The following TNRC6B variants were observed in gnomAD, a reference collection of about 807,000 sequenced individuals.
TNRC6B encodes the protein trinucleotide repeat-containing gene 6B protein.
In TNRC6B, 52 loss-of-function variants were observed where a neutral mutation model predicts 203.6. That is an observed-to-expected ratio of 0.26 (90% CI 0.20 to 0.32). The LOEUF (loss-of-function observed/expected upper bound fraction) is 0.32. Among genes scored for constraint, TNRC6B ranks in the 10% least tolerant of loss-of-function variants. The probability of loss-of-function intolerance (pLI) is 1.00; values close to 1 mark genes in which losing one functional copy is unlikely to be tolerated. For synonymous variants in TNRC6B, 838 were observed against 845.7 expected, an observed-to-expected ratio of 0.99 and a Z score of 0.16; for missense variants, 1,923 against 2,286.2, an observed-to-expected ratio of 0.84 and a Z score of 3.24.
chr22:40,266,807 C>T lies in TNRC6B; in HGVS notation c.2577C>T (p.Ser859=), dbSNP rs2070488074. Residue 859 remains serine (S), a synonymous_variant, in exon 5 of 23, where the codon AGC becomes AGT. Transcript: ENST00000454349. The stretch of plus-strand genomic sequence containing the variant: ...TTCGACCTTCCAATTCCAGCTGGAG[C>T]AGCGGGCCACAGCCTGCAACACCTA... ...GNVRPSNSSW[S]SGPQPATPKD... 6.2e-7 allele frequency: 1 copy of T among 1,613,646 alleles called. No homozygotes were observed. The highest frequency in any genetic ancestry group is 8.5e-7 in the Non-Finnish European group (1 of 1,179,672).
chr22:40,221,630 G>A (rs2069709156), intron 1 of TNRC6B, among the ~76,000 whole-genome samples: 1 of 151,952 alleles, frequency 6.6e-6, no homozygotes, highest in East Asian at 1.9e-4. Flanking sequence ...AGAGATGGGG[G>A]TTCCGGTATG....
intron 22 of TNRC6B, among the ~76,000 whole-genome samples, chr22:40,322,572 G>A (rs1287022220): frequency 6.6e-6 from 1 of 152,188 alleles, no homozygotes; most frequent in African/African-American, 2.4e-5. Flanking sequence ...AGAAATATCA[G>A]AATATAGTAT....
chr22:40,276,601 G>A (rs1460224049), intron 7 of TNRC6B, among the ~76,000 whole-genome samples: 3 of 152,180 alleles, frequency 2.0e-5, no homozygotes, highest in Admixed American at 2.0e-4. Context: ...CAGGACCAAT[G>A]TCTTTTATGC....
intron 1 of TNRC6B, among the ~76,000 whole-genome samples, chr22:40,227,229 TTTTTTG>T (rs2069801197): frequency 1.3e-5 from 2 of 150,066 alleles, no homozygotes; most frequent in South Asian, 2.1e-4. Context: ...TACAGGCTAA[TTTTTTG>T]TATTTTTAGT....
chr22:40,234,293 A>G (rs796664112), intron 1 of TNRC6B, among the ~76,000 whole-genome samples: 32 of 152,306 alleles, frequency 2.1e-4, no homozygotes, highest in African/African-American at 7.5e-4. Flanking sequence ...AAACAAACAA[A>G]CAAAAACTTC....
At position 40,120,909 on chromosome 22, in the gene TNRC6B, C is replaced by T. The variant is rs35954387; in HGVS notation, c.-47+3781C>T. ...CCTGCCTTCTCGCCTGCCTCCTAGCCAACGAAAGGAGCAGAGCAGAACAGG... is the reference window on the plus strand; with the variant it reads ...CCTGCCTTCTCGCCTGCCTCCTAGCTAACGAAAGGAGCAGAGCAGAACAGG... On this transcript the variant is annotated intron_variant, in intron 2 of 23. Transcript: ENST00000301923. Among the ~76,000 whole-genome samples, 1,485 of 152,228 alleles carry T rather than the reference C, an allele frequency of 9.8e-3. 19 individuals carry two copies. Among genetic ancestry groups the T allele is most frequent in the African/African-American group, 0.034 (1,418 of 41,508 alleles).
intron 1 of TNRC6B, among the ~76,000 whole-genome samples, chr22:40,215,788 A>G (rs1238977166): frequency 6.6e-6 from 1 of 152,230 alleles, no homozygotes; most frequent in East Asian, 1.9e-4. Flanking sequence ...GTATGTTAAG[A>G]TGATGAGTGT....
chr22:40,308,350 C>G (rs902190742), intron 15 of TNRC6B, among the ~76,000 whole-genome samples, 162 bp from the exon 16 acceptor site: 8 of 152,210 alleles, frequency 5.3e-5, no homozygotes, highest in Non-Finnish European at 1.5e-5. Context: ...ATTTAGCGAG[C>G]AAGAGCCAAG....
chr22:40,099,652 AC>A (rs2068216863), intron 1 of TNRC6B, among the ~76,000 whole-genome samples: 1 of 152,260 alleles, frequency 6.6e-6, no homozygotes, highest in African/African-American at 2.4e-5. Flanking sequence ...ATCATAAATA[AC>A]CTAGAGATTA....
At chr22:40,091,560 A>G (rs2068151259) in intron 1 of TNRC6B, among the ~76,000 whole-genome samples, 1 of 152,142 alleles carries the variant, frequency 6.6e-6, no homozygotes, top group Admixed American at 6.6e-5. Flanking sequence ...TGGTATTGGG[A>G]CTGTTACTAA....
intron 1 of TNRC6B, among the ~76,000 whole-genome samples, chr22:40,046,767 C>G (rs940839193): frequency 6.6e-6 from 1 of 151,738 alleles, no homozygotes; most frequent in Non-Finnish European, 1.5e-5. Context: ...GCCTCAGCCT[C>G]CCGAGTAGCT....
chr22:40,220,798 G>A (rs1230934942), intron 1 of TNRC6B, among the ~76,000 whole-genome samples: 1 of 152,110 alleles, frequency 6.6e-6, no homozygotes, highest in African/African-American at 2.4e-5. Context: ...TAAAGCCTTT[G>A]TTTTAGGAAA....
chr22:40,176,417 G>A (rs543393625), upstream of TNRC6B, among the ~76,000 whole-genome samples: 96 of 152,116 alleles, frequency 6.3e-4, no homozygotes, highest in African/African-American at 2.3e-3. Flanking sequence ...ATGAGCCACC[G>A]CACCCGGCCT....
At chr22:40,113,788 T>C (rs969893350) in intron 1 of TNRC6B, among the ~76,000 whole-genome samples, 8 of 152,098 alleles carry the variant, frequency 5.3e-5, no homozygotes, top group African/African-American at 1.9e-4. Context: ...TCTCCTGGCA[T>C]CCCCCCTTGC....
intron 15 of TNRC6B, among the ~76,000 whole-genome samples, chr22:40,308,021 C>G (rs2146559271): frequency 6.6e-6 from 1 of 152,344 alleles, no homozygotes; most frequent in East Asian, 1.9e-4. Flanking sequence ...ATTCCCTAAA[C>G]ACACTTGATT....
At chr22:40,290,668 C>G (rs1601494127) in intron 12 of TNRC6B, among the ~76,000 whole-genome samples, 1 of 152,264 alleles carries the variant, frequency 6.6e-6, no homozygotes, top group South Asian at 2.1e-4. Context: ...GTCACTCCCC[C>G]ACCCCCCGAC....
chr22:40,154,704 A>G (rs1456670341), intron 3 of TNRC6B, among the ~76,000 whole-genome samples: 2 of 148,198 alleles, frequency 1.3e-5, no homozygotes, highest in East Asian at 2.0e-4. Flanking sequence ...AGCTGAGCAT[A>G]GTGGCGGGTA....
chr22:40,311,397 A>G (rs539910839), intron 17 of TNRC6B, among the ~76,000 whole-genome samples: 1 of 152,292 alleles, frequency 6.6e-6, no homozygotes, highest in South Asian at 2.1e-4. Context: ...GGATATAGTA[A>G]TCTATTCTCA....
chr22:40,054,962 G>A (rs753225646), intron 1 of TNRC6B, among the ~76,000 whole-genome samples: 7 of 152,070 alleles, frequency 4.6e-5, no homozygotes, highest in African/African-American at 1.4e-4. Context: ...GCTTGAGCCC[G>A]GGAGGCAGAG....
Sources: gnomAD v4.1 joint callset for allele counts (sites outside exome capture counted in the v4.1 genomes callset) on GRCh38, gnomAD v4.1.1 for gene constraint, MANE v1.5 for transcripts, NCBI Gene and HGNC (gene_info 2026-07-23, HGNC 2026-07-21) for gene names.